The following RALGPS2 variants were observed in gnomAD, a reference collection of about 807,000 sequenced individuals.
The protein encoded by RALGPS2 is ras-specific guanine nucleotide-releasing factor RalGPS2.
Under a neutral mutation model 86.8 loss-of-function variants are expected in RALGPS2, and 43 were observed. The observed-to-expected ratio is 0.50, with a 90% CI of 0.39 to 0.64. RALGPS2 has a LOEUF of 0.64. Ranked by LOEUF, RALGPS2 falls within the 30% of genes least tolerant of loss-of-function variation. RALGPS2 has a pLI of 0.00. For missense variants in RALGPS2, 536 were observed against 694.6 expected (o/e 0.77, Z 2.57); for synonymous variants, 243 against 231.3 (o/e 1.05, Z -0.46).
At chr1:178,857,928 G>C (rs1657703495) in intron 8 of RALGPS2, among the ~76,000 whole-genome samples, 1 of 152,082 alleles carries the variant, frequency 6.6e-6, no homozygotes, top group Admixed American at 6.5e-5. Context: ...AAGCAAAATA[G>C]AGAGTTCTGG....
At chr1:178,820,534 C>A (rs1173161736) in intron 6 of RALGPS2, among the ~76,000 whole-genome samples, 1 of 152,158 alleles carries the variant, frequency 6.6e-6, no homozygotes, top group Non-Finnish European at 1.5e-5. Context: ...ATCTGAATCT[C>A]TCAGACAAAG....
chr1:178,864,841 A>G (rs1436182111), intron 8 of RALGPS2: 6 of 612,160 alleles, frequency 9.8e-6, no homozygotes, highest in Non-Finnish European at 1.4e-5. Flanking sequence ...TAGAAATTTT[A>G]ATGTACATAT....
rs1050824878 is a variant in RALGPS2 at position 178,918,711 on chromosome 1, C to T, written c.*2352C>T. ...TATTCATTCAGAAAATTAGTCATTG[C>T]TTTTTAAGATTATTTTAGCATTTGA... On this transcript the variant is annotated 3_prime_UTR_variant, in exon 20 of 20. Transcript: ENST00000367635. 4 of 151,984 alleles carry T rather than the reference C, an allele frequency of 2.6e-5. No individual in the cohort carries two copies. The highest frequency in any genetic ancestry group is 5.9e-5 in the Non-Finnish European group (4 of 67,924). The allele number at this position is 151,984 out of a possible 1,614,324, so 9.4% of individuals were successfully genotyped here. A position where few individuals can be genotyped will look rare whatever the true frequency, so the allele number is the denominator to read the frequency against.
chr1:178,751,213 G>A (rs185897142), intron 1 of RALGPS2, among the ~76,000 whole-genome samples: 10 of 151,774 alleles, frequency 6.6e-5, no homozygotes, highest in East Asian at 5.8e-4. Flanking sequence ...AATTTCTTCC[G>A]TTCTTGTGGC....
At chr1:178,852,567 C>A in intron 8 of RALGPS2, 1 of 1,105,938 alleles carries the variant, frequency 9.0e-7, no homozygotes, top group Non-Finnish European at 1.3e-6. Context: ...TATTTCCTGC[C>A]ACAGTGACCA....
intron 1 of RALGPS2, among the ~76,000 whole-genome samples, chr1:178,739,065 G>T (rs906901097): frequency 6.6e-6 from 1 of 152,200 alleles, no homozygotes; most frequent in Non-Finnish European, 1.5e-5. Context: ...TTAGGGGTTT[G>T]TAGGTGGGTG....
intron 16 of RALGPS2, among the ~76,000 whole-genome samples, chr1:178,894,916 T>C (rs1278127234): frequency 6.6e-6 from 1 of 151,998 alleles, no homozygotes; most frequent in Non-Finnish European, 1.5e-5. Context: ...AGTATTAAGT[T>C]TAGGTAAAAT....
intron 8 of RALGPS2, among the ~76,000 whole-genome samples, chr1:178,851,594 G>C (rs930872602): frequency 5.3e-5 from 8 of 152,218 alleles, no homozygotes; most frequent in Non-Finnish European, 8.8e-5. Flanking sequence ...GATGCAAGCA[G>C]TGTTTATATG....
intron 2 of RALGPS2, among the ~76,000 whole-genome samples, chr1:178,782,454 G>C (rs1479081260): frequency 6.6e-6 from 1 of 152,066 alleles, no homozygotes; most frequent in African/African-American, 2.4e-5. Flanking sequence ...CTGCCCTCAA[G>C]GGAAACTACT....
chr1:178,770,210 G>A (rs952211130), intron 1 of RALGPS2, among the ~76,000 whole-genome samples: 1 of 151,714 alleles, frequency 6.6e-6, no homozygotes, highest in Non-Finnish European at 1.5e-5. Context: ...TTAGAGATAG[G>A]ATTTTACCAT....
At chr1:178,769,875 G>C (rs1397176455) in intron 1 of RALGPS2, among the ~76,000 whole-genome samples, 1 of 152,140 alleles carries the variant, frequency 6.6e-6, no homozygotes, top group Non-Finnish European at 1.5e-5. Context: ...GTCACAGAGA[G>C]AGGCTCTCTG....
intron 8 of RALGPS2, among the ~76,000 whole-genome samples, chr1:178,864,188 C>T (rs554262640): frequency 7.9e-5 from 12 of 151,880 alleles, no homozygotes; most frequent in Non-Finnish European, 1.6e-4. Context: ...TTCTGGACAC[C>T]TAGATCAGTG....
At chr1:178,842,927 G>A (rs1304858605) in intron 8 of RALGPS2, among the ~76,000 whole-genome samples, 1 of 149,270 alleles carries the variant, frequency 6.7e-6, no homozygotes, top group African/African-American at 2.4e-5. Context: ...GGCCATCAGA[G>A]AAATGCAAAT....
chr1:178,887,909 C>CAT lies in RALGPS2; in HGVS notation c.1193-1732_1193-1731dup, dbSNP rs1659557024. Reference sequence around the variant, plus strand: ...TTCAGTCAAAAATTTTCTACACGTCCATGGAATTTGGCATGCCACTTAAAG... The same window carrying CAT: ...TTCAGTCAAAAATTTTCTACACGTCCATATGGAATTTGGCATGCCACTTAAAG... On this transcript the variant is annotated intron_variant, in intron 13 of 19. Transcript: ENST00000367635. Among the ~76,000 whole-genome samples, 3 of 152,022 alleles carry CAT rather than the reference C, an allele frequency of 2.0e-5. No homozygotes were observed. The South Asian group carries it at 6.2e-4, about 32-fold the overall frequency.
chr1:178,804,380 A>C (rs1226707705), intron 4 of RALGPS2, among the ~76,000 whole-genome samples: 2 of 134,878 alleles, frequency 1.5e-5, no homozygotes, highest in Non-Finnish European at 3.2e-5. Flanking sequence ...GCACCCACTA[A>C]CTCGTCATCT....
chr1:178,758,087 A>G (rs1652044170), intron 1 of RALGPS2, among the ~76,000 whole-genome samples: 1 of 152,074 alleles, frequency 6.6e-6, no homozygotes, highest in Admixed American at 6.6e-5. Flanking sequence ...AGGTGTTCAT[A>G]ATAGTCTTTG....
rs534205811 is a variant in RALGPS2 at position 178,801,185 on chromosome 1, C to G, written c.214-6860C>G. ...AGGTGATCCACCTGCCTCGGCCTCCCAAAGTGTTAGGATTACAGGTGTGAG... is the reference window on the plus strand; with the variant it reads ...AGGTGATCCACCTGCCTCGGCCTCCGAAAGTGTTAGGATTACAGGTGTGAG... On this transcript the variant is annotated intron_variant, in intron 4 of 19. Coordinates refer to ENST00000367635, the MANE Select transcript of RALGPS2 (RefSeq NM_152663.5). Among the ~76,000 whole-genome samples, 36 of 152,108 alleles carry G rather than the reference C, an allele frequency of 2.4e-4. 1 individual carries two copies. Among genetic ancestry groups the G allele is most frequent in the Admixed American group, 2.2e-3 (33 of 15,264 alleles).
intron 15 of RALGPS2, 49 bp downstream of exon 15, chr1:178,892,356 G>A (rs766025273): frequency 1.3e-6 from 2 of 1,513,794 alleles, no homozygotes; most frequent in South Asian, 1.1e-5. Flanking sequence ...TATGGTGTTG[G>A]TGATTGGCTT....
intron 6 of RALGPS2, among the ~76,000 whole-genome samples, chr1:178,813,856 G>T (rs561067062): frequency 6.6e-6 from 1 of 152,044 alleles, no homozygotes; most frequent in African/African-American, 2.4e-5. Context: ...GATGTTAACC[G>T]CATCTACAAA....
Sources: allele counts gnomAD v4.1 joint callset (sites outside exome capture counted in the v4.1 genomes callset), GRCh38; gene constraint gnomAD v4.1.1; transcripts MANE v1.5; gene names NCBI Gene and HGNC (gene_info 2026-07-23, HGNC 2026-07-21).